The following GALNTL6 variants were observed in gnomAD, a reference collection of about 807,000 sequenced individuals.
The protein encoded by GALNTL6 is polypeptide N-acetylgalactosaminyltransferase like 6.
GALNTL6 carries 46 observed loss-of-function variants against 73.7 expected under a neutral mutation model. The ratio of observed to expected loss-of-function variants is 0.62; its 90% CI spans 0.49 to 0.80. The LOEUF is 0.80. Ranked by LOEUF, GALNTL6 falls within the 30% of genes least tolerant of loss-of-function variation. GALNTL6 has a pLI of 0.00. For missense variants in GALNTL6, 604 were observed against 755.0 expected (o/e 0.80, Z 2.34); for synonymous variants, 259 against 263.7 (o/e 0.98, Z 0.17).
At chr4:172,253,463 T>A (rs573860338) in intron 3 of GALNTL6, among the ~76,000 whole-genome samples, 1 of 152,116 alleles carries the variant, frequency 6.6e-6, no homozygotes, top group East Asian at 1.9e-4. Flanking sequence ...GACTCCCATA[T>A]TAAAGTCTGC....
At chr4:172,614,438 TG>T (rs1738644990) in intron 5 of GALNTL6, among the ~76,000 whole-genome samples, 1 of 152,160 alleles carries the variant, frequency 6.6e-6, no homozygotes, top group Non-Finnish European at 1.5e-5. Context: ...CTTTTTCCTA[TG>T]TTTAGTAATT....
intron 2 of GALNTL6, among the ~76,000 whole-genome samples, chr4:172,036,962 C>G (rs2110831833): frequency 6.6e-6 from 1 of 152,010 alleles, no homozygotes; most frequent in South Asian, 2.1e-4. Flanking sequence ...TCTTTTTATT[C>G]ATCTTTCCTT....
At chr4:172,313,188 T>C (rs1281676541) in intron 4 of GALNTL6, among the ~76,000 whole-genome samples, 3 of 147,862 alleles carry the variant, frequency 2.0e-5, no homozygotes, top group African/African-American at 5.0e-5. Context: ...TGCAGTGGCT[T>C]GATCTCGGCT....
chr4:171,912,535 A>G (rs1420358814), intron 2 of GALNTL6, among the ~76,000 whole-genome samples: 2 of 152,194 alleles, frequency 1.3e-5, no homozygotes, highest in African/African-American at 4.8e-5. Context: ...ACAAACATGT[A>G]TCTTTTCTTT....
intron 10 of GALNTL6, among the ~76,000 whole-genome samples, chr4:172,992,843 C>T (rs553596629): frequency 3.3e-5 from 5 of 152,224 alleles, no homozygotes; most frequent in Non-Finnish European, 7.4e-5. Flanking sequence ...CAAAGGTCAT[C>T]GGATCGCTAA....
rs187296024 is a variant in GALNTL6 at position 172,610,150 on chromosome 4, T to C, written c.554-199211T>C. Among the ~76,000 whole-genome samples, 253 of 152,126 alleles carry C rather than the reference T, an allele frequency of 1.7e-3. 2 individuals are homozygous for C. The highest frequency in any genetic ancestry group is 3.1e-3 in the Non-Finnish European group (209 of 67,986). ...TTTTTTCAAAAAACCAACTTCTGAG[T>C]TCATTGATTTTTTGTGTGGTTTTTC... On this transcript the variant is annotated intron_variant, in intron 5 of 12. Transcript: ENST00000506823.
intron 2 of GALNTL6, among the ~76,000 whole-genome samples, chr4:171,845,095 G>T (rs977281958): frequency 6.6e-6 from 1 of 152,128 alleles, no homozygotes; most frequent in African/African-American, 2.4e-5. Flanking sequence ...GTGTACTAAT[G>T]AATTCATTTG....
At chr4:172,291,065 T>TATTATTCAAAAC (rs1230193405) in intron 3 of GALNTL6, among the ~76,000 whole-genome samples, 2 of 152,144 alleles carry the variant, frequency 1.3e-5, no homozygotes, top group East Asian at 3.9e-4. Flanking sequence ...AATAGAAGCT[T>TATTATTCAAAAC]ATTATTCAAA....
At chr4:172,243,833 T>C (rs1737532225) in intron 3 of GALNTL6, among the ~76,000 whole-genome samples, 1 of 152,152 alleles carries the variant, frequency 6.6e-6, no homozygotes, top group Non-Finnish European at 1.5e-5. Flanking sequence ...TGAACAAGAT[T>C]GTGAACTAAA....
At chr4:172,945,249 G>T (rs770152099) in intron 9 of GALNTL6, among the ~76,000 whole-genome samples, 14 of 152,114 alleles carry the variant, frequency 9.2e-5, no homozygotes, top group Non-Finnish European at 1.8e-4. Context: ...GTACATCAGT[G>T]GTTGTCTGGG....
chr4:172,368,921 C>G (rs767803161), intron 5 of GALNTL6, among the ~76,000 whole-genome samples: 16 of 152,188 alleles, frequency 1.1e-4, no homozygotes, highest in Admixed American at 2.0e-4. Context: ...AGCTGCAGAC[C>G]TTTGCAGTGA....
chr4:172,058,749 A>G (rs1407469213), intron 2 of GALNTL6, among the ~76,000 whole-genome samples: 2 of 152,188 alleles, frequency 1.3e-5, no homozygotes, highest in Non-Finnish European at 2.9e-5. Context: ...TTTTTATAGT[A>G]TAATGATCAA....
intron 5 of GALNTL6, among the ~76,000 whole-genome samples, chr4:172,706,476 G>C (rs1309312461): frequency 2.0e-5 from 3 of 151,824 alleles, no homozygotes; most frequent in Admixed American, 2.0e-4. Flanking sequence ...TTGTCCATTT[G>C]GGGAGGTCAT....
intron 5 of GALNTL6, among the ~76,000 whole-genome samples, chr4:172,516,829 T>G (rs1734624187): frequency 6.6e-6 from 1 of 152,176 alleles, no homozygotes; most frequent in Non-Finnish European, 1.5e-5. Flanking sequence ...GGTATATACA[T>G]AAATGTAATA....
intron 5 of GALNTL6, among the ~76,000 whole-genome samples, chr4:172,414,394 T>C (rs757733365): frequency 6.6e-5 from 10 of 152,196 alleles, no homozygotes; most frequent in Non-Finnish European, 1.3e-4. Context: ...GATATAATTA[T>C]GAAATGATTT....
At chr4:172,438,033 A>G (rs1486616594) in intron 5 of GALNTL6, among the ~76,000 whole-genome samples, 2 of 152,096 alleles carry the variant, frequency 1.3e-5, no homozygotes, top group East Asian at 3.9e-4. Context: ...AAGTTGTGTT[A>G]TCAATGGATT....
chr4:172,771,203 T>G (rs1301696172), intron 5 of GALNTL6, among the ~76,000 whole-genome samples: 1 of 152,208 alleles, frequency 6.6e-6, no homozygotes, highest in Non-Finnish European at 1.5e-5. Flanking sequence ...GACAATCACC[T>G]GGCATGAACT....
At chr4:172,238,804 A>G (rs1737325148) in intron 3 of GALNTL6, among the ~76,000 whole-genome samples, 1 of 152,054 alleles carries the variant, frequency 6.6e-6, no homozygotes. Flanking sequence ...AGGGTTTTTA[A>G]TATAAAGGGA....
intron 4 of GALNTL6, among the ~76,000 whole-genome samples, chr4:172,339,296 C>T (rs1741473374): frequency 6.7e-6 from 1 of 148,728 alleles, no homozygotes; most frequent in Non-Finnish European, 1.5e-5. Context: ...CACACACACA[C>T]ACACACACAC....
Sources: allele counts gnomAD v4.1 joint callset (sites outside exome capture counted in the v4.1 genomes callset), GRCh38; gene constraint gnomAD v4.1.1; transcripts MANE v1.5; gene names NCBI Gene and HGNC (gene_info 2026-07-23, HGNC 2026-07-21).